Variants in SULT2A1 observed in about 807,000 individuals in gnomAD.
The protein encoded by SULT2A1 is sulfotransferase family 2A member 1, also known as sulfotransferase 2A1.
A neutral mutation model predicts 33.9 loss-of-function variants in SULT2A1; 43 were observed. The observed-to-expected ratio is 1.27, with a 90% CI of 1.00 to 1.64. The LOEUF is 1.64. Ranked by LOEUF, SULT2A1 falls within the 40% of genes most tolerant of loss-of-function variation. The pLI is 0.00. For synonymous variants in SULT2A1, 125 were observed against 113.6 expected (o/e 1.10, Z -0.64); for missense variants, 300 against 335.1 (o/e 0.90, Z 0.82).
At position 47,884,804 on chromosome 19, in the gene SULT2A1, CTTT is replaced by C. The variant is rs71181611; in HGVS notation, c.137-1022_137-1020del. On this transcript the variant is annotated intron_variant, in intron 1 of 5. Transcript: ENST00000222002. ...AGCCACTGCAGCCAGCTCTCAACCA[CTTT>C]TTTTTTTTTTTTTTTTTTTTTTTGA... 1.7e-3 allele frequency among the ~76,000 whole-genome samples: 108 copies of C among 64,030 alleles called. 1 individual carries two copies. The highest frequency in any genetic ancestry group is 6.9e-3 in the African/African-American group (102 of 14,728). The allele number at this position is 64,030 out of a possible 152,430, so 42.0% of individuals were successfully genotyped here.
intron 1 of SULT2A1, 114 bp from the exon 2 acceptor site, chr19:47,883,899 G>A: frequency 2.1e-6 from 2 of 943,938 alleles, no homozygotes; most frequent in Admixed American, 2.3e-5. Context: ...TGAGGTCAGG[G>A]GTTCCAGAAT....
At chr19:47,876,267 C>T (rs1484665569) in intron 4 of SULT2A1, among the ~76,000 whole-genome samples, 2 of 152,170 alleles carry the variant, frequency 1.3e-5, no homozygotes, top group Admixed American at 6.6e-5. Flanking sequence ...CTGCCCACCT[C>T]AGCCTCCCAA....
chr19:47,873,919 G>A lies in SULT2A1; in HGVS notation c.745+738C>T, dbSNP rs534474852. ...ATTACAGGCATGAGCCACCGCACCC[G>A]GCCCATCCAGGACAGATCTCTATGC... On this transcript the variant is annotated intron_variant, in intron 5 of 5. Transcript: ENST00000222002. 1.8e-4 allele frequency among the ~76,000 whole-genome samples: 27 copies of A among 151,306 alleles called. No individual in the cohort carries two copies. In the South Asian group the frequency reaches 2.1e-3, roughly 12 times the overall value.
At chr19:47,874,874 A>G in intron 4 of SULT2A1, 40 bp from the exon 5 acceptor site, 1 of 1,591,724 alleles carries the variant, frequency 6.3e-7, no homozygotes, top group Non-Finnish European at 8.6e-7. Flanking sequence ...CGAAAGAGAA[A>G]GACAAGGCTG....
At chr19:47,882,488 G>T in intron 2 of SULT2A1, among the ~76,000 whole-genome samples, 1 of 152,120 alleles carries the variant, frequency 6.6e-6, no homozygotes, top group East Asian at 1.9e-4. Context: ...GGTTTCCAAA[G>T]GTGAGTGATG....
At chr19:47,877,624 A>T (rs1178743654) in intron 4 of SULT2A1, among the ~76,000 whole-genome samples, 6 of 144,468 alleles carry the variant, frequency 4.2e-5, no homozygotes, top group Non-Finnish European at 9.1e-5. Context: ...ATCTCGGCTC[A>T]CTGCAACCTC....
chr19:47,878,543 C>T (rs1303363817), intron 4 of SULT2A1, among the ~76,000 whole-genome samples: 1 of 135,724 alleles, frequency 7.4e-6, no homozygotes, highest in African/African-American at 2.8e-5. Flanking sequence ...GAGTCGTGCT[C>T]TATCGCCCAG....
chr19:47,878,083 A>G (rs1968565140), intron 4 of SULT2A1, among the ~76,000 whole-genome samples: 1 of 150,834 alleles, frequency 6.6e-6, no homozygotes. Context: ...ACGCTTGGTT[A>G]TCAGCAGCAC....
Position 47,882,215 on chromosome 19 carries a change from A to C in SULT2A1, c.346-5T>G. 1 of 1,608,044 alleles carries C rather than the reference A, an allele frequency of 6.2e-7. No homozygotes were observed. The highest frequency in any genetic ancestry group is 8.5e-7 in the Non-Finnish European group (1 of 1,177,186). ...ATTTCTCATGAGATAAATCACCTTA[A>C]ATGGAAAAACGGGAGAATGAAAAAT... On this transcript the variant is annotated splice_region_variant and splice_polypyrimidine_tract_variant and intron_variant, in intron 2 of 5. Coordinates refer to ENST00000222002, the MANE Select transcript of SULT2A1 (RefSeq NM_003167.4).
intron 2 of SULT2A1, among the ~76,000 whole-genome samples, chr19:47,883,093 A>T (rs1223783368): frequency 6.6e-6 from 1 of 152,070 alleles, no homozygotes; most frequent in African/African-American, 2.4e-5. Flanking sequence ...TACACACAGT[A>T]AGACGAAGTG....
chr19:47,872,621 G>A (rs564830846), intron 5 of SULT2A1, among the ~76,000 whole-genome samples: 1 of 152,102 alleles, frequency 6.6e-6, no homozygotes, highest in Non-Finnish European at 1.5e-5. Context: ...ACCCAATTTA[G>A]AGGTCACTCC....
chr19:47,882,659 C>T lies in SULT2A1; in HGVS notation c.346-449G>A, dbSNP rs566732179. On this transcript the variant is annotated intron_variant, in intron 2 of 5. Coordinates refer to ENST00000222002, the MANE Select transcript of SULT2A1 (RefSeq NM_003167.4). ...GTCCTTTGGGCCAGGCATGGTGGCTCATGCCTGTAATCCTAGCACTTTGGG... is the reference window on the plus strand; with the variant it reads ...GTCCTTTGGGCCAGGCATGGTGGCTTATGCCTGTAATCCTAGCACTTTGGG... Among the ~76,000 whole-genome samples the T allele has an allele frequency of 8.5e-5, 13 of 152,290 alleles. No homozygotes were observed. In the South Asian group the frequency reaches 2.5e-3, roughly 29 times the overall value.
At chr19:47,873,833 C>T (rs1375221288) in intron 5 of SULT2A1, among the ~76,000 whole-genome samples, 5 of 151,410 alleles carry the variant, frequency 3.3e-5, no homozygotes, top group Non-Finnish European at 5.9e-5. Flanking sequence ...CCATGTTAGC[C>T]AGGATGGTCT....
chr19:47,872,434 C>T (rs1968501894), intron 5 of SULT2A1, among the ~76,000 whole-genome samples: 1 of 152,166 alleles, frequency 6.6e-6, no homozygotes. Flanking sequence ...ACTCTACTCA[C>T]ACGGGGACTT....
At chr19:47,873,336 AT>A (rs1222170735) in intron 5 of SULT2A1, among the ~76,000 whole-genome samples, 1 of 151,252 alleles carries the variant, frequency 6.6e-6, no homozygotes, top group East Asian at 2.0e-4. Flanking sequence ...CACTTGGCTA[AT>A]TTTTTGTATT....
rs773197642 is a variant in SULT2A1, at chr19:47,879,066, GA to G, written c.536del (p.Phe179SerfsTer4). On this transcript the variant is annotated frameshift_variant, in exon 4 of 6. Transcript: ENST00000222002. LOFTEE classifies it high-confidence loss of function. ...TCAGCTCCTCATAACTCAGTAACAG[GA>G]AGTTTTTCTCCTCTCTCATGGGCAT... ...GWMPMREEKN[F>X]LLLSYEELKQ... The G allele has an allele frequency of 1.2e-6, 2 of 1,613,620 alleles. No individual in the cohort carries two copies. Among genetic ancestry groups the G allele is most frequent in the Non-Finnish European group, 1.7e-6 (2 of 1,179,620 alleles).
intron 3 of SULT2A1, among the ~76,000 whole-genome samples, chr19:47,880,718 C>T (rs1968595722): frequency 6.6e-6 from 1 of 151,974 alleles, no homozygotes; most frequent in Non-Finnish European, 1.5e-5. Context: ...TTCCAAGTAG[C>T]TGAGACTACG....
chr19:47,886,228 GC>G lies in SULT2A1; in HGVS notation c.29del (p.Gly10AlafsTer2). The G allele has an allele frequency of 6.2e-7, 1 of 1,614,000 alleles. No homozygotes were observed. On this transcript the variant is annotated frameshift_variant, in exon 1 of 6. Transcript: ENST00000222002. LOFTEE classifies it high-confidence loss of function. MSDDFLWFE[G>X]IAFPTMGFRS... The stretch of plus-strand genomic sequence containing the variant: ...TGAAACCCATAGTAGGGAAAGCTAT[GC>G]CTTCAAACCATAAGAAATCGTCCGA...
chr19:47,882,225 C>A lies in SULT2A1; in HGVS notation c.346-15G>T. The A allele has an allele frequency of 5.6e-6, 9 of 1,603,282 alleles. No homozygotes were observed. Among genetic ancestry groups the A allele is most frequent in the South Asian group, 1.1e-5 (1 of 89,408 alleles). ...AGATAAATCACCTTAAATGGAAAAA[C>A]GGGAGAATGAAAAATCAATACAGTC... On this transcript the variant is annotated splice_polypyrimidine_tract_variant and intron_variant, in intron 2 of 5. Coordinates refer to ENST00000222002, the MANE Select transcript of SULT2A1 (RefSeq NM_003167.4).
Sources: gnomAD v4.1 joint callset for allele counts (sites outside exome capture counted in the v4.1 genomes callset) on GRCh38, gnomAD v4.1.1 for gene constraint, MANE v1.5 for transcripts, NCBI Gene and HGNC (gene_info 2026-07-23, HGNC 2026-07-21) for gene names.